Variants in HNRNPUL2 observed in about 807,000 individuals in gnomAD.
HNRNPUL2 encodes the protein heterogeneous nuclear ribonucleoprotein U-like protein 2.
In HNRNPUL2, 27 loss-of-function variants were observed where a neutral mutation model predicts 102.2. The observed-to-expected ratio is 0.26, with a 90% CI of 0.19 to 0.36. The LOEUF (loss-of-function observed/expected upper bound fraction) is 0.36. Among genes scored for constraint, HNRNPUL2 ranks in the 10% least tolerant of loss-of-function variants. The pLI is 1.00. For synonymous variants in HNRNPUL2, 458 were observed against 387.2 expected (o/e 1.18, Z -2.15); for missense variants, 936 against 981.1 (o/e 0.95, Z 0.61).
chr11:62,717,758 A>AG (rs910583356), intron 10 of HNRNPUL2, among the ~76,000 whole-genome samples: 1 of 152,208 alleles, frequency 6.6e-6, no homozygotes, highest in Non-Finnish European at 1.5e-5. Flanking sequence ...CGGGAGGCTG[A>AG]GTGCCACTGC....
At position 62,724,275 on chromosome 11, in the gene HNRNPUL2, G is replaced by C. The variant is rs2083726927; in HGVS notation, c.674+16C>G. On this transcript the variant is annotated intron_variant, in intron 2 of 13. Coordinates refer to ENST00000301785, the MANE Select transcript of HNRNPUL2 (RefSeq NM_001079559.3). ...GAGCAGACACTCCCTTCAACGAAAG[G>C]GACTGTTTCCCTCACCGGCTGTGGT... The C allele has an allele frequency of 3.1e-6, 5 of 1,613,944 alleles. No individual in the cohort carries two copies. The highest frequency in any genetic ancestry group is 4.2e-6 in the Non-Finnish European group (5 of 1,179,932).
chr11:62,719,910 A>G (rs1181732810), intron 10 of HNRNPUL2, 113 bp downstream of exon 10: 12 of 984,178 alleles, frequency 1.2e-5, no homozygotes, highest in African/African-American at 6.5e-5. Flanking sequence ...TGCTAATGCT[A>G]TGCTCTTGGA....
intron 10 of HNRNPUL2, among the ~76,000 whole-genome samples, chr11:62,719,281 T>C (rs1456222748): frequency 6.6e-6 from 1 of 152,104 alleles, no homozygotes; most frequent in Non-Finnish European, 1.5e-5. Flanking sequence ...CGAAACCCCA[T>C]CTCTACTAAA....
In HNRNPUL2 at chr11:62,727,417, C is replaced by T. The variant is rs2083767413; in HGVS notation, c.-261G>A. 1.7e-5 allele frequency: 6 copies of T among 353,862 alleles called. No individual in the cohort carries two copies. Among genetic ancestry groups the T allele is most frequent in the Admixed American group, 5.1e-5 (1 of 19,698 alleles). 21.9% of individuals were successfully genotyped at this position (353,862 alleles called of 1,614,324 possible). A position where few individuals can be genotyped will look rare whatever the true frequency, so the allele number is the denominator to read the frequency against. On this transcript the variant is annotated 5_prime_UTR_variant, in exon 1 of 14. Coordinates refer to ENST00000301785, the MANE Select transcript of HNRNPUL2 (RefSeq NM_001079559.3). ...CAGGGAGCTGTTTCCCCTCCAGGCC[C>T]TTGGTTCCCCAGCCGCGGGCAGGCG... is the stretch of plus-strand genomic sequence containing the variant.
At position 62,726,621 on chromosome 11, in the gene HNRNPUL2, T is replaced by C. The variant is rs1246239910; in HGVS notation, c.536A>G (p.Gln179Arg). The change falls in exon 1 of 14, where the codon CAG becomes CGG. Residue 179 changes from glutamine to arginine, a missense_variant and splice_region_variant. Gln to Arg is a conservative substitution (Grantham distance 43, BLOSUM62 1). Transcript: ENST00000301785. ...GGGCTCGGCTGCCAGCTCCTCACCC[T>C]GTTCCTCGGCGGCCTTGTCACCCGG... ...EVPGDKAAEE[Q>R]GDDQDSEKSK... is the part of the protein sequence containing the mutation. 1.9e-6 allele frequency: 3 copies of C among 1,581,902 alleles called. No individual in the cohort carries two copies. The highest frequency in any genetic ancestry group is 1.1e-5 in the South Asian group (1 of 87,864).
At position 62,715,236 on chromosome 11, in the gene HNRNPUL2, C is replaced by T. The variant is rs995987756; in HGVS notation, c.*63G>A. ...CCCTGTTTTCCTTGGTTGTGTTTTGCGGGGGTGCCTGGCACCCCCAGAGAT... is the reference window on the plus strand; with the variant it reads ...CCCTGTTTTCCTTGGTTGTGTTTTGTGGGGGTGCCTGGCACCCCCAGAGAT... On this transcript the variant is annotated 3_prime_UTR_variant, in exon 14 of 14. Coordinates refer to ENST00000301785, the MANE Select transcript of HNRNPUL2 (RefSeq NM_001079559.3). 5.0e-5 allele frequency: 55 copies of T among 1,099,760 alleles called. No homozygotes were observed. The highest frequency in any genetic ancestry group is 1.6e-4 in the Admixed American group (7 of 44,894). The allele number at this position is 1,099,760 out of a possible 1,614,324, so 68.1% of individuals were successfully genotyped here.
intron 10 of HNRNPUL2, 97 bp from the exon 11 acceptor site, chr11:62,717,286 C>A: frequency 3.4e-6 from 3 of 882,728 alleles, no homozygotes; most frequent in Non-Finnish European, 3.5e-6. Flanking sequence ...ACTTTCTATG[C>A]CTCATCTATT....
At chr11:62,720,273 C>G in intron 9 of HNRNPUL2, 82 bp from the exon 10 acceptor site, 1 of 1,339,596 alleles carries the variant, frequency 7.5e-7, no homozygotes. Flanking sequence ...CAGCTGGGCA[C>G]GGTGGCTCAC....
rs1026966948 is a variant in HNRNPUL2, at chr11:62,727,186, G to T, written c.-30C>A. 1.4e-6 allele frequency: 2 copies of T among 1,402,358 alleles called. No individual in the cohort carries two copies. Among genetic ancestry groups the T allele is most frequent in the Non-Finnish European group, 1.9e-6 (2 of 1,077,606 alleles). 86.9% of individuals were successfully genotyped at this position (1,402,358 alleles called of 1,614,324 possible). A position where few individuals can be genotyped will look rare whatever the true frequency, so the allele number is the denominator to read the frequency against. Reference sequence around the variant, plus strand: ...GCCGCCGCCTCCTCCGCCTCCCGCCGCCTCCTCCCCTGCGAACCGTCGACC... The same window carrying T: ...GCCGCCGCCTCCTCCGCCTCCCGCCTCCTCCTCCCCTGCGAACCGTCGACC... On this transcript the variant is annotated 5_prime_UTR_variant, in exon 1 of 14. Coordinates refer to ENST00000301785, the MANE Select transcript of HNRNPUL2 (RefSeq NM_001079559.3).
chr11:62,724,061 A>T (rs951034938), intron 2 of HNRNPUL2, 71 bp from the exon 3 acceptor site: 15 of 1,316,252 alleles, frequency 1.1e-5, no homozygotes, highest in Non-Finnish European at 1.5e-5. Context: ...TGTGTGTATG[A>T]CATTATGTCC....
rs371859370 is a variant in HNRNPUL2 at position 62,720,178 on chromosome 11, T to C, written c.1625A>G (p.Asn542Ser). ...CAATAGCTTCCGCCGTTGGCCAGAA[T>C]TGTACACATTACACTAAGAACAGGA... ...NFILDQCNVYNSGQRRKLLLF... is the reference protein window; with the variant it reads ...NFILDQCNVYSSGQRRKLLLF... The change falls in exon 10 of 14, where the codon AAT becomes AGT. Residue 542 changes from asparagine to serine, a missense_variant. Coordinates refer to ENST00000301785, the MANE Select transcript of HNRNPUL2 (RefSeq NM_001079559.3). 28 of 1,613,812 alleles carry C rather than the reference T, an allele frequency of 1.7e-5. No individual in the cohort carries two copies. Among genetic ancestry groups the C allele is most frequent in the East Asian group, 4.5e-5 (2 of 44,892 alleles).
chr11:62,725,049 A>G (rs963898285), intron 1 of HNRNPUL2, among the ~76,000 whole-genome samples: 1 of 152,234 alleles, frequency 6.6e-6, no homozygotes, highest in African/African-American at 2.4e-5. Flanking sequence ...TACCGCATCT[A>G]GACTGCACAT....
chr11:62,722,896 T>C lies in HNRNPUL2; in HGVS notation c.899A>G (p.Gln300Arg), dbSNP rs1357816695. Residue 300 changes from glutamine to arginine, a missense_variant, in exon 5 of 14, where the codon CAG becomes CGG. Around this residue, in one of 2 missense-constraint regions of HNRNPUL2, gnomAD observed 609 missense variants for 713.0 expected, o/e 0.85. Transcript: ENST00000301785. ...GCAGCCTTCTTTCATTGGGAGATTC[T>C]GGGTTACCTGGCCAAGTCAGAAAGG... is the stretch of plus-strand genomic sequence containing the variant. ...GKVCFEAKVT[Q>R]NLPMKEGCTE... is the part of the protein sequence containing the mutation. The C allele has an allele frequency of 6.2e-7, 1 of 1,614,010 alleles. No individual in the cohort carries two copies. Among genetic ancestry groups the C allele is most frequent in the Non-Finnish European group, 8.5e-7 (1 of 1,179,890 alleles).
In HNRNPUL2 at chr11:62,715,891, C is replaced by T; in HGVS notation, c.2028G>A (p.Gln676=). The T allele has an allele frequency of 1.2e-6, 2 of 1,613,682 alleles. No individual in the cohort carries two copies. Among genetic ancestry groups the T allele is most frequent in the Non-Finnish European group, 8.5e-7 (1 of 1,179,820 alleles). ...CTCTGTTTCCAGGCTGCCCCCAGTA[C>T]TGCTGCCCGTAGGCCCGGTTGTCGT... ...RGYDNRAYGQ[Q]YWGQPGNRGG... Residue 676 remains glutamine (Q), a synonymous_variant, in exon 12 of 14, where the codon CAG becomes CAA. Coordinates refer to ENST00000301785, the MANE Select transcript of HNRNPUL2 (RefSeq NM_001079559.3).
intron 12 of HNRNPUL2, 56 bp downstream of exon 12, chr11:62,715,808 C>A (rs547977650): frequency 1.3e-6 from 2 of 1,527,068 alleles, no homozygotes; most frequent in Non-Finnish European, 9.1e-7. Flanking sequence ...CTCCCCCAAG[C>A]CAACAGAATG....
In HNRNPUL2 at chr11:62,722,363, T is replaced by C. The variant is rs372516840; in HGVS notation, c.1113A>G (p.Glu371=). ...IGCFANFETE[E]VELSFSKNGE... is the part of the protein sequence containing the mutation. Reference sequence around the variant, plus strand: ...CATTCTTGGAGAAGGAAAGTTCTACTTCTTCAGTCTCAAAATTCTACAATG... The same window carrying C: ...CATTCTTGGAGAAGGAAAGTTCTACCTCTTCAGTCTCAAAATTCTACAATG... The change falls in exon 7 of 14, where the codon GAA becomes GAG. Residue 371 remains glutamate (E), a synonymous_variant. Transcript: ENST00000301785. 9.4e-5 allele frequency: 152 copies of C among 1,613,724 alleles called. No homozygotes were observed. The highest frequency in any genetic ancestry group is 1.3e-4 in the Non-Finnish European group (148 of 1,179,830).
chr11:62,726,202 C>T (rs2083744720), intron 1 of HNRNPUL2, among the ~76,000 whole-genome samples: 1 of 152,144 alleles, frequency 6.6e-6, no homozygotes, highest in Non-Finnish European at 1.5e-5. Context: ...TTTTGCTTAA[C>T]ATTTTTACGG....
Position 62,721,911 on chromosome 11 carries a change from C to A in HNRNPUL2, c.1391G>T (p.Gly464Val). 1 of 1,614,164 alleles carries A rather than the reference C, an allele frequency of 6.2e-7. No homozygotes were observed. The highest frequency in any genetic ancestry group is 8.5e-7 in the Non-Finnish European group (1 of 1,180,008). Residue 464 changes from glycine to valine, a missense_variant, in exon 8 of 14, where the codon GGA (glycine) becomes GTA (valine). This residue lies in a region of HNRNPUL2 where 609 missense variants were observed against 713.0 expected (regional missense o/e 0.85). Coordinates refer to ENST00000301785, the MANE Select transcript of HNRNPUL2 (RefSeq NM_001079559.3). ...VILMVGLPGS[G>V]KTQWALKYAK... ...ATATTTCAGTGCCCACTGGGTCTTT[C>A]CAGATCCGGGTAGTCCCACCATCAG...
In HNRNPUL2 at chr11:62,724,296, G is replaced by A. The variant is rs1460471851; in HGVS notation, c.669C>T (p.His223=). Residue 223 remains histidine, a synonymous_variant, in exon 2 of 14, where the codon CAC becomes CAT. Coordinates refer to ENST00000301785, the MANE Select transcript of HNRNPUL2 (RefSeq NM_001079559.3). ...AYYEFREEAY[H]SRSKSPLPPE... is the part of the protein sequence containing the mutation. ...AAAGGGACTGTTTCCCTCACCGGCT[G>A]TGGTAAGCCTCCTCTCGGAATTCAT... 1 of 1,614,192 alleles carries A rather than the reference G, an allele frequency of 6.2e-7. No individual in the cohort carries two copies.
Sources: gnomAD v4.1 joint callset for allele counts (sites outside exome capture counted in the v4.1 genomes callset) on GRCh38, gnomAD v4.1.1 for gene constraint, gnomAD v4.1.1 regional missense constraint, MANE v1.5 for transcripts, NCBI Gene and HGNC (gene_info 2026-07-23, HGNC 2026-07-21) for gene names.